The following RTF1 variants were observed in gnomAD, a reference collection of about 807,000 sequenced individuals.
The protein encoded by RTF1 is RTF1 homolog, Paf1/RNA polymerase II complex component, also known as RNA polymerase-associated protein RTF1 homolog.
A neutral mutation model predicts 95.7 loss-of-function variants in RTF1; 10 were observed. The observed-to-expected ratio is 0.10, with a 90% confidence interval of 0.06 to 0.18. RTF1 has a LOEUF of 0.18. Ranked by LOEUF, RTF1 falls within the 10% of genes least tolerant of loss-of-function variation. RTF1 has a pLI of 1.00. For synonymous variants in RTF1, 305 were observed against 311.8 expected (o/e 0.98, Z 0.23); for missense variants, 458 against 875.6 (o/e 0.52, Z 6.02).
chr15:41,458,423 C>T (rs988745805), intron 4 of RTF1, among the ~76,000 whole-genome samples: 6 of 152,186 alleles, frequency 3.9e-5, no homozygotes, highest in African/African-American at 1.4e-4. Context: ...GCCATATCCT[C>T]TCCTGCGTCA....
chr15:41,419,095 TG>T, intron 1 of RTF1, among the ~76,000 whole-genome samples: 1 of 152,258 alleles, frequency 6.6e-6, no homozygotes, highest in South Asian at 2.1e-4. Context: ...GAATTGAAAA[TG>T]TTCTCATTGA....
chr15:41,472,684 A>AT (rs889660206), intron 8 of RTF1, among the ~76,000 whole-genome samples: 8 of 143,400 alleles, frequency 5.6e-5, no homozygotes, highest in East Asian at 2.1e-4. Flanking sequence ...CGCCTGGCTG[A>AT]TTTTTTTTTA....
chr15:41,443,046 C>A (rs997636349), intron 2 of RTF1, among the ~76,000 whole-genome samples: 12 of 152,184 alleles, frequency 7.9e-5, no homozygotes, highest in Non-Finnish European at 1.5e-4. Context: ...ATACGTTTGT[C>A]CCCTCAGATT....
intron 16 of RTF1, among the ~76,000 whole-genome samples, chr15:41,479,519 A>G (rs2050959579): frequency 6.6e-6 from 1 of 152,198 alleles, no homozygotes; most frequent in Admixed American, 6.5e-5. Flanking sequence ...TAACATACAA[A>G]GATCAGACAT....
At chr15:41,441,048 T>C in intron 2 of RTF1, among the ~76,000 whole-genome samples, 1 of 146,982 alleles carries the variant, frequency 6.8e-6, no homozygotes, top group Non-Finnish European at 1.5e-5. Context: ...CTCGGCTTAC[T>C]GCAAGCTCCG....
chr15:41,440,090 T>C (rs1210621318), intron 2 of RTF1: 5 of 152,140 alleles, frequency 3.3e-5, no homozygotes, highest in African/African-American at 1.2e-4. Flanking sequence ...TTATTTAATA[T>C]AATGAAATTT....
intron 4 of RTF1, among the ~76,000 whole-genome samples, chr15:41,462,285 T>C (rs747195644): frequency 3.3e-5 from 5 of 152,158 alleles, no homozygotes; most frequent in Non-Finnish European, 5.9e-5. Flanking sequence ...TAGCATCCTG[T>C]TCTCTAGCCA....
At chr15:41,419,861 C>G (rs1181940495) in intron 1 of RTF1, among the ~76,000 whole-genome samples, 1 of 152,124 alleles carries the variant, frequency 6.6e-6, no homozygotes, top group African/African-American at 2.4e-5. Context: ...GTTCTGTTGC[C>G]TGGGCTGGAG....
In RTF1 at chr15:41,430,296, C is replaced by T. The variant is rs553696776; in HGVS notation, c.199-8025C>T. 1.7e-3 allele frequency among the ~76,000 whole-genome samples: 252 copies of T among 151,206 alleles called. 2 individuals are homozygous for T. The highest frequency in any genetic ancestry group is 5.5e-3 in the African/African-American group (226 of 41,262). ...ACAACCTCCACCTCCCGGGTTCAAG[C>T]GATTCTCCAGCCTCAGCCTCCCAAA... On this transcript the variant is annotated intron_variant, in intron 1 of 17. Transcript: ENST00000389629.
At chr15:41,462,067 T>C (rs2050852320) in intron 4 of RTF1, among the ~76,000 whole-genome samples, 1 of 152,070 alleles carries the variant, frequency 6.6e-6, no homozygotes, top group African/African-American at 2.4e-5. Flanking sequence ...AGTGACTTTT[T>C]TTAGTGACTA....
chr15:41,456,635 G>A (rs113017472), intron 3 of RTF1, among the ~76,000 whole-genome samples: 8,176 of 149,696 alleles, frequency 0.055, 489 homozygotes, highest in African/African-American at 0.15. Flanking sequence ...CATCTCTGCT[G>A]AAAATATAAA....
At chr15:41,422,757 A>C (rs984702356) in intron 1 of RTF1, among the ~76,000 whole-genome samples, 4 of 152,152 alleles carry the variant, frequency 2.6e-5, no homozygotes, top group African/African-American at 7.2e-5. Flanking sequence ...CTTTGAGAGA[A>C]TAGGCCCCCC....
chr15:41,426,779 A>ATGTGTGTGTG (rs1178988605), intron 1 of RTF1, among the ~76,000 whole-genome samples: 9 of 77,610 alleles, frequency 1.2e-4, no homozygotes, highest in Admixed American at 4.7e-4. Context: ...CGCTACATAT[A>ATGTGTGTGTG]TATGTGTGTG....
intron 1 of RTF1, among the ~76,000 whole-genome samples, chr15:41,421,456 TA>T (rs754975327): frequency 0.062 from 8,400 of 135,132 alleles, 232 homozygotes; most frequent in East Asian, 0.17. Flanking sequence ...AACTCTGTAT[TA>T]AAAAAAAAAA....
At chr15:41,453,190 G>C in intron 3 of RTF1, 142 bp downstream of exon 3, 1 of 587,494 alleles carries the variant, frequency 1.7e-6, no homozygotes, top group Non-Finnish European at 2.7e-6. Context: ...CTTTTTCCAT[G>C]GTCATGGATG....
intron 1 of RTF1, among the ~76,000 whole-genome samples, chr15:41,423,894 A>T (rs1257740085): frequency 6.6e-6 from 1 of 152,002 alleles, no homozygotes; most frequent in Non-Finnish European, 1.5e-5. Context: ...CTGGGATTAC[A>T]GGTATGCACC....
intron 1 of RTF1, among the ~76,000 whole-genome samples, chr15:41,437,717 C>T (rs996761093): frequency 6.6e-6 from 1 of 152,046 alleles, no homozygotes; most frequent in Non-Finnish European, 1.5e-5. Context: ...ACTGTCATTT[C>T]GCTTAAATGA....
intron 4 of RTF1, among the ~76,000 whole-genome samples, chr15:41,463,674 G>A (rs1202090224): frequency 6.6e-6 from 1 of 152,074 alleles, no homozygotes. Context: ...TAGAGACAGG[G>A]TCTCACCATG....
intron 1 of RTF1, among the ~76,000 whole-genome samples, chr15:41,426,318 T>A (rs867644191): frequency 3.9e-4 from 59 of 151,632 alleles, no homozygotes; most frequent in Non-Finnish European, 5.3e-4. Flanking sequence ...TTTTATTTTT[T>A]TTTTTGGGAT....
Sources: gnomAD v4.1 joint callset for allele counts (sites outside exome capture counted in the v4.1 genomes callset) on GRCh38, gnomAD v4.1.1 for gene constraint, MANE v1.5 for transcripts, NCBI Gene and HGNC (gene_info 2026-07-23, HGNC 2026-07-21) for gene names.